CLSTN2: variants seen among roughly 807,000 people sequenced by gnomAD.
CLSTN2 encodes the protein calsyntenin 2, also known as calsyntenin-2.
In CLSTN2, 48 loss-of-function variants were observed where a neutral mutation model predicts 101.2. The observed-to-expected ratio is 0.47, with a 90% confidence interval of 0.38 to 0.60. CLSTN2 has a LOEUF of 0.60. Ranked by LOEUF, CLSTN2 falls within the 20% of genes least tolerant of loss-of-function variation. The probability of loss-of-function intolerance (pLI) is 0.00; values close to 1 mark genes in which losing one functional copy is unlikely to be tolerated. For synonymous variants in CLSTN2, 481 were observed against 463.6 expected (o/e 1.04, Z -0.48); for missense variants, 1,160 against 1,238.2 (o/e 0.94, Z 0.95).
At chr3:140,010,003 C>T (rs1211197220) in intron 1 of CLSTN2, among the ~76,000 whole-genome samples, 1 of 152,290 alleles carries the variant, frequency 6.6e-6, no homozygotes, top group Middle Eastern at 3.4e-3. Context: ...TCCTGGCCTT[C>T]CCTCAGACTA....
intron 5 of CLSTN2, among the ~76,000 whole-genome samples, chr3:140,425,162 G>T (rs1167477292): frequency 6.6e-6 from 1 of 152,168 alleles, no homozygotes; most frequent in Non-Finnish European, 1.5e-5. Flanking sequence ...ACACGCAAGA[G>T]CTCCCACCTC....
intron 2 of CLSTN2, among the ~76,000 whole-genome samples, chr3:140,251,888 T>C (rs2086567944): frequency 6.6e-6 from 1 of 152,136 alleles, no homozygotes; most frequent in African/African-American, 2.4e-5. Context: ...AGAGGAGGTT[T>C]CAAAAAACAG....
chr3:140,085,063 T>G (rs1249821144), intron 1 of CLSTN2, among the ~76,000 whole-genome samples: 1 of 152,250 alleles, frequency 6.6e-6, no homozygotes, highest in East Asian at 1.9e-4. Context: ...AATAAAACTT[T>G]TCTAGGATTG....
intron 2 of CLSTN2, among the ~76,000 whole-genome samples, chr3:140,222,466 GA>G (rs747430413): frequency 6.6e-6 from 1 of 151,954 alleles, no homozygotes; most frequent in Non-Finnish European, 1.5e-5. Context: ...TAAAATAACT[GA>G]AAAAAATATA....
chr3:140,074,343 T>C (rs534653859), intron 1 of CLSTN2, among the ~76,000 whole-genome samples: 4 of 152,216 alleles, frequency 2.6e-5, no homozygotes, highest in East Asian at 3.9e-4. Flanking sequence ...GCATGTGCAT[T>C]GGCCGGGGTG....
intron 8 of CLSTN2, among the ~76,000 whole-genome samples, chr3:140,470,742 C>A (rs1007561379): frequency 6.6e-6 from 1 of 152,160 alleles, no homozygotes; most frequent in Non-Finnish European, 1.5e-5. Context: ...GTATGACATT[C>A]ATCAGATTTA....
chr3:139,978,648 TTGTGTGTGTGTGTGTGTGTGTG>T (rs552137591), intron 1 of CLSTN2, among the ~76,000 whole-genome samples: 7,490 of 135,598 alleles, frequency 0.055, 267 homozygotes, highest in South Asian at 0.08. Flanking sequence ...GGATGGGGGA[TTGTGTGTGTGTGTGTGTGTGTG>T]TGTGTGTGTG....
chr3:140,182,732 C>T (rs1313555195), intron 2 of CLSTN2, among the ~76,000 whole-genome samples: 1 of 152,214 alleles, frequency 6.6e-6, no homozygotes, highest in Admixed American at 6.5e-5. Context: ...TACTGCCTCT[C>T]ACCTACAAGA....
intron 1 of CLSTN2, among the ~76,000 whole-genome samples, chr3:140,007,205 A>G (rs1272799539): frequency 1.3e-5 from 2 of 152,116 alleles, no homozygotes; most frequent in East Asian, 3.9e-4. Flanking sequence ...GGTTTCACTA[A>G]GCTGTTGGGC....
intron 2 of CLSTN2, among the ~76,000 whole-genome samples, chr3:140,228,847 G>T (rs2086346690): frequency 6.6e-6 from 1 of 152,148 alleles, no homozygotes; most frequent in Non-Finnish European, 1.5e-5. Context: ...GAGCAGGAAA[G>T]ACCCGCCCCC....
At chr3:140,068,553 T>C (rs1576415936) in intron 1 of CLSTN2, among the ~76,000 whole-genome samples, 3 of 152,220 alleles carry the variant, frequency 2.0e-5, no homozygotes, top group African/African-American at 7.2e-5. Flanking sequence ...TAAAGAACAA[T>C]GTCTGTTGAA....
chr3:140,427,204 T>C (rs1189208051), intron 5 of CLSTN2, among the ~76,000 whole-genome samples: 8 of 73,282 alleles, frequency 1.1e-4, no homozygotes, highest in Non-Finnish European at 1.8e-4. Context: ...TATATATATA[T>C]GTGTATATAT....
Position 140,559,383 on chromosome 3 carries a change from A to G in CLSTN2, c.2041+526A>G, listed in dbSNP as rs79300664. On this transcript the variant is annotated intron_variant, in intron 12 of 16. Transcript: ENST00000458420. Reference sequence around the variant, plus strand: ...TATAGCTGCATCTTTATATATATAAAAGTTAGGTCTCATTCAGCAATATTA... The same window carrying G: ...TATAGCTGCATCTTTATATATATAAGAGTTAGGTCTCATTCAGCAATATTA... 7.0e-3 allele frequency among the ~76,000 whole-genome samples: 1,064 copies of G among 152,274 alleles called. 10 individuals carry two copies. Among genetic ancestry groups the G allele is most frequent in the African/African-American group, 0.024 (979 of 41,550 alleles).
chr3:140,530,836 C>A (rs1935240666), intron 8 of CLSTN2, among the ~76,000 whole-genome samples: 1 of 152,186 alleles, frequency 6.6e-6, no homozygotes. Context: ...CCTCCCTGCC[C>A]AGGGCCTGAC....
intron 2 of CLSTN2, among the ~76,000 whole-genome samples, chr3:140,209,765 A>G (rs1056221484): frequency 6.6e-6 from 1 of 152,150 alleles, no homozygotes; most frequent in African/African-American, 2.4e-5. Context: ...GACAAGTAAC[A>G]TAAAGGGGCT....
intron 2 of CLSTN2, among the ~76,000 whole-genome samples, chr3:140,238,482 A>T (rs760964019): frequency 1.5e-4 from 23 of 152,322 alleles, no homozygotes; most frequent in Non-Finnish European, 2.8e-4. Context: ...CTACTAGGAA[A>T]AAGAAATAAT....
intron 2 of CLSTN2, among the ~76,000 whole-genome samples, chr3:140,345,493 G>A (rs915872131): frequency 1.3e-5 from 2 of 151,598 alleles, no homozygotes; most frequent in Admixed American, 6.6e-5. Context: ...CAGGCGATCC[G>A]CCTGCCTCAG....
intron 1 of CLSTN2, among the ~76,000 whole-genome samples, chr3:139,984,308 C>T (rs1273879872): frequency 2.0e-5 from 3 of 152,124 alleles, no homozygotes; most frequent in Admixed American, 1.3e-4. Flanking sequence ...CCCTCATAAA[C>T]AAAGAATGTT....
At chr3:140,517,619 G>T (rs989313739) in intron 8 of CLSTN2, among the ~76,000 whole-genome samples, 4 of 152,146 alleles carry the variant, frequency 2.6e-5, no homozygotes, top group African/African-American at 9.7e-5. Flanking sequence ...CAGAACTACT[G>T]GGCTCCAGGC....
Sources: allele counts gnomAD v4.1 joint callset (sites outside exome capture counted in the v4.1 genomes callset), GRCh38; gene constraint gnomAD v4.1.1; transcripts MANE v1.5; gene names NCBI Gene and HGNC (gene_info 2026-07-23, HGNC 2026-07-21).